Variants in GAREM1 observed in about 807,000 individuals in gnomAD.
The protein encoded by GAREM1 is GRB2 associated regulator of MAPK1 subtype 1.
GAREM1 carries 26 observed loss-of-function variants against 71.3 expected under a neutral mutation model. The observed-to-expected ratio is 0.36, with a 90% CI of 0.27 to 0.51. The LOEUF (loss-of-function observed/expected upper bound fraction) is 0.51, where lower values mean the gene tolerates loss of function less well. Among genes scored for constraint, GAREM1 ranks in the 20% least tolerant of loss-of-function variants. The pLI is 0.95. For missense variants in GAREM1, 1,026 were observed against 1,103.1 expected, an observed-to-expected ratio of 0.93 and a Z score of 0.99; for synonymous variants, 440 against 433.2, an observed-to-expected ratio of 1.02 and a Z score of -0.20.
chr18:32,281,313 T>G (rs1211333955), intron 4 of GAREM1, among the ~76,000 whole-genome samples: 1 of 59,034 alleles, frequency 1.7e-5, no homozygotes, highest in Non-Finnish European at 3.0e-5. Context: ...GTTAAATCAG[T>G]TTTTTTTCAA....
chr18:32,373,165 C>T (rs745602343), intron 2 of GAREM1, among the ~76,000 whole-genome samples: 1 of 152,020 alleles, frequency 6.6e-6, no homozygotes, highest in Non-Finnish European at 1.5e-5. Context: ...GAATGAAAAA[C>T]TAAATAGTCA....
At chr18:32,274,704 T>C (rs773401525) in intron 4 of GAREM1, among the ~76,000 whole-genome samples, 8 of 152,108 alleles carry the variant, frequency 5.3e-5, no homozygotes, top group Non-Finnish European at 1.2e-4. Flanking sequence ...TCCTGCCCCT[T>C]TCTCTGGTTT....
chr18:32,300,478 A>C (rs1026017699), intron 3 of GAREM1, among the ~76,000 whole-genome samples: 3 of 152,276 alleles, frequency 2.0e-5, no homozygotes, highest in African/African-American at 7.2e-5. Flanking sequence ...TATGCAGAGC[A>C]AAGTCTACTA....
chr18:32,336,429 CAAAA>C lies in GAREM1; in HGVS notation c.263-26110_263-26107del, dbSNP rs35803922. On this transcript the variant is annotated intron_variant, in intron 2 of 5. Coordinates refer to ENST00000269209, the MANE Select transcript of GAREM1 (RefSeq NM_001242409.2). ...TGGGCAACAGAGCGAGACTCCGTCT[CAAAA>C]AAAAAAAAAAAAAAAAATCATACAG... 4.7e-3 allele frequency among the ~76,000 whole-genome samples: 339 copies of C among 72,854 alleles called. 2 individuals carry two copies. Among genetic ancestry groups the C allele is most frequent in the African/African-American group, 0.013 (312 of 23,842 alleles). The allele number at this position is 72,854 out of a possible 152,430, so 47.8% of individuals were successfully genotyped here. A position where few individuals can be genotyped will look rare whatever the true frequency, so the allele number is the denominator to read the frequency against.
intron 3 of GAREM1, among the ~76,000 whole-genome samples, chr18:32,295,025 T>C (rs1445627881): frequency 6.6e-6 from 1 of 152,154 alleles, no homozygotes; most frequent in Non-Finnish European, 1.5e-5. Context: ...GTTGATTCTA[T>C]ATCCAATTAA....
rs190135025 is a variant in GAREM1, at chr18:32,276,704, C to T, written c.1567-6321G>A. Reference sequence around the variant, plus strand: ...TGGGCTTAGATGATGAAACAAAACACTGGTACCATTCATCAGATAGAAATT... The same window carrying T: ...TGGGCTTAGATGATGAAACAAAACATTGGTACCATTCATCAGATAGAAATT... On this transcript the variant is annotated intron_variant, in intron 4 of 5. Transcript: ENST00000269209. Among the ~76,000 whole-genome samples the T allele has an allele frequency of 1.2e-3, 186 of 152,228 alleles. 1 individual carries two copies. In the Middle Eastern group the frequency reaches 0.014, roughly 11 times the overall value.
intron 1 of GAREM1, among the ~76,000 whole-genome samples, chr18:32,444,002 A>G (rs1292159365): frequency 6.6e-6 from 1 of 152,168 alleles, no homozygotes; most frequent in East Asian, 1.9e-4. Context: ...GTTCAGTGTA[A>G]GAAGTCAGTC....
In GAREM1 at chr18:32,287,413, A is replaced by G; in HGVS notation, c.1184T>C (p.Leu395Pro). ...RLSVCVYGNNLHGNSEVNLHG... is the reference protein window; with the variant it reads ...RLSVCVYGNNPHGNSEVNLHG... ...AAGGTTCACCTCACTGTTGCCATGG[A>G]GATTGTTGCCATACACACAGACCGA... The change falls in exon 4 of 6, where the codon CTC (leucine) becomes CCC (proline). Residue 395 changes from leucine (L) to proline (P), a missense_variant. Physicochemically the swap from Leu to Pro is moderately conservative, Grantham distance 98. Around this residue, in one of 3 missense-constraint regions of GAREM1, gnomAD observed 636 missense variants for 631.2 expected, o/e 1.01. Transcript: ENST00000269209. The surrounding 1 kb of genome is among the most constrained non-coding windows in gnomAD (Gnocchi z 5.9). 6.2e-7 allele frequency: 1 copy of G among 1,614,144 alleles called. No individual in the cohort carries two copies. Among genetic ancestry groups the G allele is most frequent in the Non-Finnish European group, 8.5e-7 (1 of 1,180,028 alleles).
At chr18:32,365,691 A>G (rs1212267791) in intron 2 of GAREM1, among the ~76,000 whole-genome samples, 1 of 152,056 alleles carries the variant, frequency 6.6e-6, no homozygotes, top group African/African-American at 2.4e-5. Flanking sequence ...TCACACTCCC[A>G]CTACTTTTTC....
chr18:32,317,133 G>A (rs926658925), intron 2 of GAREM1, among the ~76,000 whole-genome samples: 2 of 152,194 alleles, frequency 1.3e-5, no homozygotes, highest in East Asian at 1.9e-4. Context: ...GGCCAGGCGC[G>A]GTGGCTCACG....
intron 2 of GAREM1, among the ~76,000 whole-genome samples, chr18:32,329,560 G>C (rs2047509720): frequency 6.6e-6 from 1 of 151,780 alleles, no homozygotes; most frequent in South Asian, 2.1e-4. Flanking sequence ...ACAAAAATTA[G>C]CCAGGTGTGG....
chr18:32,327,534 G>A lies in GAREM1; in HGVS notation c.263-17211C>T, dbSNP rs150710226. Among the ~76,000 whole-genome samples, 296 of 152,250 alleles carry A rather than the reference G, an allele frequency of 1.9e-3. 5 individuals carry two copies. Among genetic ancestry groups the A allele is most frequent in the South Asian group, 0.018 (89 of 4,822 alleles). The stretch of plus-strand genomic sequence containing the variant: ...GGGATGATGAAAGCAAATAGAGATT[G>A]CAATACCTAAAACCAGCAAATATGC... On this transcript the variant is annotated intron_variant, in intron 2 of 5. Coordinates refer to ENST00000269209, the MANE Select transcript of GAREM1 (RefSeq NM_001242409.2).
intron 2 of GAREM1, among the ~76,000 whole-genome samples, chr18:32,315,869 A>G (rs1006637369): frequency 2.4e-4 from 37 of 152,302 alleles, no homozygotes; most frequent in African/African-American, 8.7e-4. Context: ...GTTTGCCATG[A>G]TTGCTGATAT....
chr18:32,380,862 T>C (rs2048090042), intron 2 of GAREM1, among the ~76,000 whole-genome samples: 1 of 152,102 alleles, frequency 6.6e-6, no homozygotes. Flanking sequence ...AGTTAAAAAC[T>C]GTGACAAATT....
At chr18:32,393,185 T>G (rs1189030069) in intron 1 of GAREM1, 150 bp from the exon 2 acceptor site, 2 of 700,758 alleles carry the variant, frequency 2.9e-6, no homozygotes, top group East Asian at 2.8e-5. Context: ...GAATTGTTTT[T>G]TTTTTTTTTT....
At chr18:32,428,357 G>T (rs1234095975) in intron 1 of GAREM1, among the ~76,000 whole-genome samples, 1 of 152,174 alleles carries the variant, frequency 6.6e-6, no homozygotes, top group Non-Finnish European at 1.5e-5. Flanking sequence ...ATTGAATTGT[G>T]ATCCCCAGTG....
At chr18:32,399,245 C>G (rs1035964378) in intron 1 of GAREM1, among the ~76,000 whole-genome samples, 4 of 152,102 alleles carry the variant, frequency 2.6e-5, no homozygotes, top group African/African-American at 9.7e-5. Flanking sequence ...GGAAGCATTC[C>G]CTTTGAAAAC....
At position 32,412,471 on chromosome 18, in the gene GAREM1, T is replaced by C. The variant is rs146160742; in HGVS notation, c.122-19436A>G. ...GAGCCATCCCCACTGCCACCATATC[T>C]ACCACCAGCACGGCTGCCACCAAAG... On this transcript the variant is annotated intron_variant, in intron 1 of 5. Coordinates refer to ENST00000269209, the MANE Select transcript of GAREM1 (RefSeq NM_001242409.2). 3.0e-3 allele frequency: 4,838 copies of C among 1,592,482 alleles called. 159 individuals carry two copies. In the African/African-American group the frequency reaches 0.056, roughly 19 times the overall value.
intron 4 of GAREM1, 63 bp from the exon 5 acceptor site, chr18:32,270,446 A>C: frequency 1.4e-6 from 2 of 1,416,234 alleles, no homozygotes; most frequent in Non-Finnish European, 1.9e-6. Context: ...GCGCCAGCTC[A>C]ATCCTGAAGA....
Sources: gnomAD v4.1 joint callset for allele counts (sites outside exome capture counted in the v4.1 genomes callset) on GRCh38, gnomAD v4.1.1 for gene constraint, gnomAD v4.1.1 regional missense constraint, Gnocchi (gnomAD v3.1) non-coding constraint, MANE v1.5 for transcripts, NCBI Gene and HGNC (gene_info 2026-07-23, HGNC 2026-07-21) for gene names.